The following ZNF726 variants were observed in gnomAD, a reference collection of about 807,000 sequenced individuals.
The protein encoded by ZNF726 is zinc finger protein 92 pseudogene 3.
Under a neutral mutation model 11.6 loss-of-function variants are expected in ZNF726, and 15 were observed. The ratio of observed to expected loss-of-function variants is 1.29; its 90% CI spans 0.86 to 1.99. The LOEUF (loss-of-function observed/expected upper bound fraction) is 1.99. Among genes scored for constraint, ZNF726 ranks in the 30% most tolerant of loss-of-function variants. The pLI, the probability that ZNF726 is intolerant of heterozygous loss-of-function variation, is 0.00. For synonymous variants in ZNF726, 295 were observed against 243.6 expected (o/e 1.21, Z -1.96); for missense variants, 890 against 725.6 (o/e 1.23, Z -2.60).
intron 3 of ZNF726, chr19:23,928,448 A>G (rs773600738): frequency 6.6e-6 from 1 of 152,144 alleles, no homozygotes; most frequent in Non-Finnish European, 1.5e-5. Flanking sequence ...ACTTTTGTCA[A>G]TATTTACTTT....
downstream of ZNF726, among the ~76,000 whole-genome samples, chr19:23,934,684 C>A (rs1004274298): frequency 2.6e-5 from 4 of 152,212 alleles, no homozygotes; most frequent in African/African-American, 9.6e-5. Context: ...GGTTTGGATC[C>A]TGACTCCACT....
intron 3 of ZNF726, chr19:23,929,048 T>G (rs1185004644): frequency 1.3e-5 from 2 of 152,106 alleles, no homozygotes; most frequent in African/African-American, 4.8e-5. Context: ...TCAGCCCATC[T>G]TAACCTCTCA....
At chr19:23,931,820 C>T (rs190524214) in intron 3 of ZNF726, among the ~76,000 whole-genome samples, 169 of 152,144 alleles carry the variant, frequency 1.1e-3, no homozygotes, top group African/African-American at 3.7e-3. Flanking sequence ...TGCAGTCTGG[C>T]GGCTGCTGGA....
At chr19:23,919,227 G>A in intron 1 of ZNF726, 146 bp from the exon 2 acceptor site, 1 of 1,304,162 alleles carries the variant, frequency 7.7e-7, no homozygotes, top group Non-Finnish European at 1.0e-6. Context: ...AAATGTTTGT[G>A]TTTTGACAAT....
chr19:23,933,678 C>T lies in ZNF726; in HGVS notation c.1562C>T (p.Ser521Phe). The T allele has an allele frequency of 6.2e-7, 1 of 1,612,162 alleles. No individual in the cohort carries two copies. The highest frequency in any genetic ancestry group is 1.7e-5 in the Admixed American group (1 of 59,980). ...CEECGKAFIL[S>F]STLSKHKRIH... is the part of the protein sequence containing the mutation. ...GAATGTGGCAAAGCATTTATATTGTCCTCGACCCTATCTAAACATAAGAGG... is the reference window on the plus strand; with the variant it reads ...GAATGTGGCAAAGCATTTATATTGTTCTCGACCCTATCTAAACATAAGAGG... Residue 521 changes from serine (S) to phenylalanine (F), a missense_variant, in exon 4 of 4, where the codon TCC becomes TTC. Transcript: ENST00000594466.
At chr19:23,944,545 C>A (rs538529868) in intron 4 of ZNF726, 1 of 153,016 alleles carries the variant, frequency 6.5e-6, no homozygotes, top group East Asian at 1.9e-4. Context: ...GTTTGAGTTA[C>A]TTGTAAATTC....
intron 1 of ZNF726, among the ~76,000 whole-genome samples, chr19:23,915,199 A>C (rs3764587): frequency 0.31 from 46,359 of 151,890 alleles, 8,013 homozygotes; most frequent in African/African-American, 0.47. Flanking sequence ...CTGTCTCTTC[A>C]CTGCGCAGTG....
At chr19:23,925,495 G>T (rs1046175085) in intron 3 of ZNF726, among the ~76,000 whole-genome samples, 3 of 151,646 alleles carry the variant, frequency 2.0e-5, no homozygotes, top group Non-Finnish European at 4.4e-5. Context: ...CCCGGCCAAG[G>T]GTTTTATTTT....
chr19:23,933,838 T>C lies in ZNF726; in HGVS notation c.1722T>C (p.Phe574=). 2 of 1,599,086 alleles carry C rather than the reference T, an allele frequency of 1.3e-6. No individual in the cohort carries two copies. The highest frequency in any genetic ancestry group is 1.7e-6 in the Non-Finnish European group (2 of 1,173,052). Residue 574 remains phenylalanine (F), a synonymous_variant, in exon 4 of 4, where the codon TTT becomes TTC. Transcript: ENST00000594466. The part of the protein sequence containing the change: ...PYKCEECGKA[F]NRSSNLSTHK... ...AGTGTGAAGAATGTGGAAAAGCGTT[T>C]AATCGATCCTCAAATCTTAGTACGC...
At chr19:23,937,567 C>T (rs1968265692), downstream of ZNF726, among the ~76,000 whole-genome samples, 1 of 151,056 alleles carries the variant, frequency 6.6e-6, no homozygotes, top group Admixed American at 6.6e-5. Context: ...CAGAGACGCT[C>T]CTCACTTCCC....
intron 1 of ZNF726, 56 bp from the exon 2 acceptor site, chr19:23,919,317 G>A (rs1178152084): frequency 6.3e-7 from 1 of 1,581,550 alleles, no homozygotes; most frequent in African/African-American, 1.4e-5. Context: ...TGAGTCAAAT[G>A]AAAAATTCTG....
chr19:23,932,465 T>G lies in ZNF726; in HGVS notation c.349T>G (p.Cys117Gly). 1 of 1,581,656 alleles carries G rather than the reference T, an allele frequency of 6.3e-7. No homozygotes were observed. Among genetic ancestry groups the G allele is most frequent in the Non-Finnish European group, 8.6e-7 (1 of 1,168,064 alleles). The change falls in exon 4 of 4, where the codon TGT becomes GGT. Residue 117 changes from cysteine (C) to glycine (G), a missense_variant. Transcript: ENST00000594466. ...GHENLQLRKG[C>G]KSVDECKVHK... Reference sequence around the variant, plus strand: ...TGAGAATTTACAGTTAAGAAAAGGTTGTAAAAGTGTGGATGAGTGTAAGGT... The same window carrying G: ...TGAGAATTTACAGTTAAGAAAAGGTGGTAAAAGTGTGGATGAGTGTAAGGT...
intron 3 of ZNF726, among the ~76,000 whole-genome samples, chr19:23,940,404 T>C (rs188084413): frequency 1.2e-4 from 19 of 152,310 alleles, no homozygotes; most frequent in Admixed American, 1.2e-3. Flanking sequence ...TTTTGGTGAC[T>C]AGAGCCTTAT....
At chr19:23,927,206 A>G (rs915993238) in intron 3 of ZNF726, among the ~76,000 whole-genome samples, 10 of 151,970 alleles carry the variant, frequency 6.6e-5, no homozygotes, top group African/African-American at 1.4e-4. Context: ...AGTTCAGGCA[A>G]TCCACCCGCC....
At chr19:23,940,009 G>A (rs1386118347) in intron 3 of ZNF726, among the ~76,000 whole-genome samples, 3 of 151,788 alleles carry the variant, frequency 2.0e-5, no homozygotes, top group African/African-American at 7.3e-5. Flanking sequence ...CATTTGCCAT[G>A]CAAAACCTCT....
intron 3 of ZNF726, among the ~76,000 whole-genome samples, chr19:23,942,578 T>C (rs1374130747): frequency 2.0e-5 from 3 of 152,206 alleles, no homozygotes; most frequent in Non-Finnish European, 4.4e-5. Context: ...CTCCCTCTTA[T>C]GGTATTGATG....
At chr19:23,928,964 T>G (rs911777528) in intron 3 of ZNF726, 1 of 151,846 alleles carries the variant, frequency 6.6e-6, no homozygotes, top group Admixed American at 6.6e-5. Flanking sequence ...ACCTAGCTAG[T>G]TTTTTTTGTA....
chr19:23,919,489 G>T lies in ZNF726; in HGVS notation c.120G>T (p.Leu40=). ...TGATGTTAGAGAACTACAGAAACCT[G>T]GCCTTCCTGGGTGAGGATAACTTTA... ...RNVMLENYRN[L]AFLGIAVSKP... Residue 40 remains leucine (L), a synonymous_variant, in exon 2 of 4, where the codon CTG becomes CTT. Coordinates refer to ENST00000594466, the MANE Select transcript of ZNF726 (RefSeq NM_001244038.2). 1 of 1,598,002 alleles carries T rather than the reference G, an allele frequency of 6.3e-7. No individual in the cohort carries two copies. The highest frequency in any genetic ancestry group is 2.2e-5 in the East Asian group (1 of 44,472).
downstream of ZNF726, among the ~76,000 whole-genome samples, chr19:23,937,130 C>CG (rs1185190270): frequency 3.5e-5 from 5 of 142,362 alleles, no homozygotes; most frequent in East Asian, 6.6e-4. Flanking sequence ...GCTGGCCGGG[C>CG]GGGGGGGCTG....
Sources: allele counts gnomAD v4.1 joint callset (sites outside exome capture counted in the v4.1 genomes callset), GRCh38; gene constraint gnomAD v4.1.1; transcripts MANE v1.5; gene names NCBI Gene and HGNC (gene_info 2026-07-23, HGNC 2026-07-21).